Variants in CDH8 observed in about 807,000 individuals in gnomAD.
CDH8 encodes the protein cadherin 8, also known as cadherin-8.
A neutral mutation model predicts 68.1 loss-of-function variants in CDH8; 17 were observed. That is an observed-to-expected ratio of 0.25 (90% CI 0.17 to 0.37). CDH8 has a LOEUF of 0.37. CDH8 is among the 10% of genes least tolerant of loss of function. The pLI is 1.00. For missense variants in CDH8, 763 were observed against 999.3 expected, an observed-to-expected ratio of 0.76 and a Z score of 3.19; for synonymous variants, 372 against 365.1, an observed-to-expected ratio of 1.02 and a Z score of -0.21.
chr16:61,832,331 A>AATAGATAGATAG (rs35346881), intron 4 of CDH8, among the ~76,000 whole-genome samples: 1,813 of 143,170 alleles, frequency 0.013, 23 homozygotes, highest in East Asian at 0.021. Flanking sequence ...ACAGATAGAT[A>AATAGATAGATAG]ATAGATAGAT....
intron 10 of CDH8, among the ~76,000 whole-genome samples, chr16:61,696,104 C>G (rs1415967862): frequency 6.6e-6 from 1 of 152,196 alleles, no homozygotes; most frequent in African/African-American, 2.4e-5. Flanking sequence ...CAATTCGTAA[C>G]TTTCTGAGAG....
chr16:61,707,407 G>C (rs541049254), intron 10 of CDH8, among the ~76,000 whole-genome samples: 1 of 152,070 alleles, frequency 6.6e-6, no homozygotes, highest in Non-Finnish European at 1.5e-5. Flanking sequence ...GATCGTAATC[G>C]GAAGAGCTAA....
At chr16:61,656,905 G>T (rs1360429372) in intron 10 of CDH8, among the ~76,000 whole-genome samples, 2 of 151,924 alleles carry the variant, frequency 1.3e-5, no homozygotes, top group African/African-American at 4.8e-5. Flanking sequence ...TATAATAATT[G>T]CTAACCTGCT....
chr16:61,957,267 C>T (rs1965003045), intron 2 of CDH8, among the ~76,000 whole-genome samples: 1 of 152,114 alleles, frequency 6.6e-6, no homozygotes, highest in African/African-American at 2.4e-5. Flanking sequence ...GATATCCTGG[C>T]AGTATTTGTC....
chr16:61,910,159 G>A (rs1964136317), intron 2 of CDH8, among the ~76,000 whole-genome samples: 1 of 152,024 alleles, frequency 6.6e-6, no homozygotes, highest in South Asian at 2.1e-4. Context: ...TCAGAGAAAG[G>A]AGAATTAGAT....
At chr16:61,655,189 G>T (rs193079265) in intron 11 of CDH8, among the ~76,000 whole-genome samples, 94 of 152,206 alleles carry the variant, frequency 6.2e-4, no homozygotes, top group African/African-American at 2.1e-3. Context: ...TTGTAACGAC[G>T]TAAAAGCCCT....
intron 10 of CDH8, among the ~76,000 whole-genome samples, chr16:61,660,158 CAAATA>C (rs1311351235): frequency 2.0e-5 from 3 of 151,954 alleles, no homozygotes; most frequent in African/African-American, 7.2e-5. Context: ...AACAAATAAG[CAAATA>C]AAATAAGCCT....
At chr16:61,914,760 A>G (rs1167568141) in intron 2 of CDH8, among the ~76,000 whole-genome samples, 1 of 150,642 alleles carries the variant, frequency 6.6e-6, no homozygotes, top group Non-Finnish European at 1.5e-5. Context: ...AAAAAAAAAG[A>G]ATGATGCCAC....
Position 61,825,099 on chromosome 16 carries a change from C to T in CDH8, c.748G>A (p.Gly250Ser). ...CCAGACAGGCCACCAGAGTGTCCAC[C>T]CATATCTTTGGCTTGGATAACAACC... ...YLVVIQAKDM[G>S]GHSGGLSGTT... The change falls in exon 5 of 12, where the codon GGT (glycine) becomes AGT (serine). Residue 250 changes from glycine (G) to serine (S), a missense_variant. Gly to Ser is a moderately conservative substitution (Grantham distance 56, BLOSUM62 0). This residue lies in a region of CDH8 where 366 missense variants were observed against 563.1 expected (regional missense o/e 0.65). Coordinates refer to ENST00000577390, the MANE Select transcript of CDH8 (RefSeq NM_001796.5). 6.2e-7 allele frequency: 1 copy of T among 1,611,886 alleles called. No individual in the cohort carries two copies. The highest frequency in any genetic ancestry group is 8.5e-7 in the Non-Finnish European group (1 of 1,178,582).
intron 2 of CDH8, among the ~76,000 whole-genome samples, chr16:61,994,381 A>G (rs1320195460): frequency 1.3e-5 from 2 of 152,152 alleles, no homozygotes; most frequent in African/African-American, 4.8e-5. Flanking sequence ...AACTGTATTG[A>G]GATTGTGGAT....
chr16:61,800,906 A>C (rs1456844484), intron 7 of CDH8, among the ~76,000 whole-genome samples: 1 of 152,124 alleles, frequency 6.6e-6, no homozygotes, highest in Non-Finnish European at 1.5e-5. Context: ...AGTTAAAATG[A>C]CTCCCATAAA....
At chr16:61,685,667 C>G (rs1455549357) in intron 10 of CDH8, among the ~76,000 whole-genome samples, 2 of 151,970 alleles carry the variant, frequency 1.3e-5, no homozygotes, top group African/African-American at 4.8e-5. Context: ...AAGTGCTTAA[C>G]ATAGACCAGG....
At chr16:61,761,811 C>T (rs189717568) in intron 8 of CDH8, among the ~76,000 whole-genome samples, 44 of 151,918 alleles carry the variant, frequency 2.9e-4, no homozygotes, top group African/African-American at 9.9e-4. Context: ...AAGACCAGCC[C>T]GGGCAATATA....
intron 10 of CDH8, among the ~76,000 whole-genome samples, chr16:61,696,269 C>T (rs1435354374): frequency 6.6e-6 from 1 of 152,158 alleles, no homozygotes; most frequent in African/African-American, 2.4e-5. Flanking sequence ...CTTCTGATTG[C>T]AATGGGGCTA....
intron 10 of CDH8, among the ~76,000 whole-genome samples, chr16:61,700,376 G>A (rs902640845): frequency 6.6e-6 from 1 of 151,698 alleles, no homozygotes; most frequent in African/African-American, 2.4e-5. Flanking sequence ...TGCCTCCTGG[G>A]TTCAAGCGAT....
chr16:61,825,401 T>C (rs1442635121), intron 4 of CDH8, among the ~76,000 whole-genome samples: 1 of 151,892 alleles, frequency 6.6e-6, no homozygotes, highest in Non-Finnish European at 1.5e-5. Flanking sequence ...TATTTTATAA[T>C]GTATAAAAAG....
chr16:62,001,391 C>T (rs2150596871), intron 2 of CDH8, among the ~76,000 whole-genome samples: 1 of 152,154 alleles, frequency 6.6e-6, no homozygotes, highest in South Asian at 2.1e-4. Flanking sequence ...TCAGCTAATC[C>T]AAGGCAACAG....
chr16:62,001,375 T>A (rs1156479833), intron 2 of CDH8, among the ~76,000 whole-genome samples: 3 of 152,146 alleles, frequency 2.0e-5, no homozygotes, highest in Non-Finnish European at 4.4e-5. Flanking sequence ...ATTTAAGCCC[T>A]AAAATTCAGC....
At chr16:62,031,367 A>G (rs540487522) in intron 1 of CDH8, among the ~76,000 whole-genome samples, 11 of 152,308 alleles carry the variant, frequency 7.2e-5, no homozygotes, top group Admixed American at 6.5e-4. Context: ...TAGATAAGTC[A>G]AAATATTGAA....
Sources: allele counts gnomAD v4.1 joint callset (sites outside exome capture counted in the v4.1 genomes callset), GRCh38; gene constraint gnomAD v4.1.1; regional missense constraint gnomAD v4.1.1; transcripts MANE v1.5; gene names NCBI Gene and HGNC (gene_info 2026-07-23, HGNC 2026-07-21).